EIF3E: variants seen among roughly 807,000 people sequenced by gnomAD.
EIF3E encodes eukaryotic translation initiation factor 3 subunit E.
EIF3E carries 25 observed loss-of-function variants against 59.3 expected under a neutral mutation model. The observed-to-expected ratio is 0.42, with a 90% CI of 0.31 to 0.59. EIF3E has a LOEUF of 0.59. EIF3E is among the 20% of genes least tolerant of loss of function. The pLI, the probability that EIF3E is intolerant of heterozygous loss-of-function variation, is 0.15. For synonymous variants in EIF3E, 176 were observed against 170.2 expected, an observed-to-expected ratio of 1.03 and a Z score of -0.26; for missense variants, 317 against 534.3, an observed-to-expected ratio of 0.59 and a Z score of 4.01.
At chr8:108,211,961 C>T (rs527444690) in intron 10 of EIF3E, among the ~76,000 whole-genome samples, 2 of 152,304 alleles carry the variant, frequency 1.3e-5, no homozygotes, top group South Asian at 4.2e-4. Flanking sequence ...TAATCTAAAC[C>T]TGACATTTCT....
intron 7 of EIF3E, among the ~76,000 whole-genome samples, chr8:108,222,693 G>A (rs1815440304): frequency 6.6e-6 from 1 of 152,030 alleles, no homozygotes; most frequent in African/African-American, 2.4e-5. Flanking sequence ...AACTTCTCCA[G>A]TATTTAGCAT....
chr8:108,244,292 T>C (rs7824426), intron 1 of EIF3E, among the ~76,000 whole-genome samples: 3,213 of 152,306 alleles, frequency 0.021, 131 homozygotes, highest in African/African-American at 0.073. Flanking sequence ...AAACTATTCT[T>C]AGCCCCAAAA....
intron 1 of EIF3E, among the ~76,000 whole-genome samples, chr8:108,245,943 C>A (rs1029095588): frequency 3.9e-5 from 6 of 152,184 alleles, no homozygotes; most frequent in African/African-American, 1.4e-4. Context: ...CCAAGACCCC[C>A]CAGCGGCTGC....
At chr8:108,204,991 C>T (rs115497737) in intron 10 of EIF3E, among the ~76,000 whole-genome samples, 1 of 151,986 alleles carries the variant, frequency 6.6e-6, no homozygotes, top group East Asian at 1.9e-4. Flanking sequence ...TAGGTTAAGT[C>T]AGTTCCGCTG....
At chr8:108,215,827 A>G (rs1453926509) in intron 9 of EIF3E, among the ~76,000 whole-genome samples, 1 of 152,196 alleles carries the variant, frequency 6.6e-6, no homozygotes, top group Non-Finnish European at 1.5e-5. Flanking sequence ...TAAAACTTGT[A>G]AACTAATTAT....
At chr8:108,235,316 G>A (rs1231423687) in intron 4 of EIF3E, among the ~76,000 whole-genome samples, 1 of 152,164 alleles carries the variant, frequency 6.6e-6, no homozygotes. Flanking sequence ...GTTATTTAAA[G>A]AAGTAAACTA....
At chr8:108,232,016 C>T (rs1389989379) in intron 5 of EIF3E, 5 of 151,580 alleles carry the variant, frequency 3.3e-5, no homozygotes, top group Non-Finnish European at 7.4e-5. Flanking sequence ...AATCAACCAC[C>T]AGAAAAGTAT....
chr8:108,235,137 A>C (rs1286505875), intron 4 of EIF3E, 35 bp from the exon 5 acceptor site: 3 of 1,353,912 alleles, frequency 2.2e-6, no homozygotes, highest in Admixed American at 2.6e-5. Flanking sequence ...GTTCTCTTTA[A>C]TTTAGAGTTT....
intron 7 of EIF3E, among the ~76,000 whole-genome samples, chr8:108,223,045 TTAAG>T (rs1815448837): frequency 6.6e-6 from 1 of 152,208 alleles, no homozygotes; most frequent in South Asian, 2.1e-4. Flanking sequence ...TTAAAAATAC[TTAAG>T]TATCTACTAT....
At chr8:108,244,966 CG>C (rs1277489571) in intron 1 of EIF3E, among the ~76,000 whole-genome samples, 3 of 151,864 alleles carry the variant, frequency 2.0e-5, no homozygotes, top group Admixed American at 6.6e-5. Flanking sequence ...AGCCTTCTAC[CG>C]CTCCTCGCCC....
intron 6 of EIF3E, among the ~76,000 whole-genome samples, chr8:108,228,620 G>C (rs1815564773): frequency 6.6e-6 from 1 of 152,018 alleles, no homozygotes; most frequent in Non-Finnish European, 1.5e-5. Flanking sequence ...GTCTACTGAA[G>C]ACGCTCTAAT....
Position 108,214,710 on chromosome 8 carries a change from C to T in EIF3E, c.958G>A (p.Val320Met). 1 of 1,607,720 alleles carries T rather than the reference C, an allele frequency of 6.2e-7. No homozygotes were observed. Among genetic ancestry groups the T allele is most frequent in the Non-Finnish European group, 8.5e-7 (1 of 1,178,718 alleles). The change falls in exon 10 of 13, where the codon GTG becomes ATG. Residue 320 changes from valine (V) to methionine (M), a missense_variant. By Grantham distance (21) the Val-to-Met change is conservative. This residue lies in a region of EIF3E where 242 missense variants were observed against 398.0 expected (regional missense o/e 0.61). Transcript: ENST00000220849. The part of the protein sequence containing the change: ...KKLRECESVL[V>M]NDFFLVACLE... Reference sequence around the variant, plus strand: ...CAAGCCACCAAGAAGAAGTCATTCACAAGCACCTATATGTACAAATACAAC... The same window carrying T: ...CAAGCCACCAAGAAGAAGTCATTCATAAGCACCTATATGTACAAATACAAC...
intron 1 of EIF3E, 166 bp from the exon 2 acceptor site, chr8:108,242,079 AC>A: frequency 7.0e-7 from 1 of 1,435,818 alleles, no homozygotes; most frequent in Non-Finnish European, 9.2e-7. Flanking sequence ...ATGGCAAGCA[AC>A]CAACCTATAG....
chr8:108,234,882 G>A (rs1047571703), intron 5 of EIF3E, 116 bp downstream of exon 5: 24 of 503,108 alleles, frequency 4.8e-5, no homozygotes, highest in Non-Finnish European at 1.6e-5. Flanking sequence ...TTTTGCCAAT[G>A]ACTGTTGAAA....
At position 108,207,860 on chromosome 8, in the gene EIF3E, T is replaced by C. The variant is rs147733904; in HGVS notation, c.1062-4357A>G. Among the ~76,000 whole-genome samples, 8 of 152,288 alleles carry C rather than the reference T, an allele frequency of 5.3e-5. No individual in the cohort carries two copies. The East Asian group carries it at 1.5e-3, about 29-fold the overall frequency. The stretch of plus-strand genomic sequence containing the variant: ...ATTTAATTAAACATGTTCATGCTTC[T>C]AGCACAAAATGAAATACTTTGTTTC... On this transcript the variant is annotated intron_variant, in intron 10 of 12. Coordinates refer to ENST00000220849, the MANE Select transcript of EIF3E (RefSeq NM_001568.3).
At chr8:108,217,789 C>T (rs1815330951) in intron 7 of EIF3E, among the ~76,000 whole-genome samples, 1 of 152,114 alleles carries the variant, frequency 6.6e-6, no homozygotes, top group African/African-American at 2.4e-5. Flanking sequence ...GGCTACTAAG[C>T]GATGACTTTC....
Position 108,201,584 on chromosome 8 carries a change from T to C in EIF3E, c.*301A>G. ...AATGTCAACATCCTGGTTTTGATAC[T>C]GTACCATAGTAAGACAAAGTGAAAA... On this transcript the variant is annotated 3_prime_UTR_variant, in exon 13 of 13. Coordinates refer to ENST00000220849, the MANE Select transcript of EIF3E (RefSeq NM_001568.3). The C allele has an allele frequency of 5.0e-6, 1 of 199,410 alleles. No individual in the cohort carries two copies. Among genetic ancestry groups the C allele is most frequent in the Non-Finnish European group, 1.0e-5 (1 of 98,654 alleles). The allele number at this position is 199,410 out of a possible 1,614,324, so 12.4% of individuals were successfully genotyped here. A position where few individuals can be genotyped will look rare whatever the true frequency, so the allele number is the denominator to read the frequency against.
At chr8:108,228,415 A>G in intron 6 of EIF3E, 24 bp from the exon 7 acceptor site, 1 of 1,439,516 alleles carries the variant, frequency 6.9e-7, no homozygotes, top group Non-Finnish European at 9.1e-7. Context: ...AAATATATAC[A>G]TAAAAAATAT....
chr8:108,223,211 G>A (rs574811432), intron 7 of EIF3E, among the ~76,000 whole-genome samples: 35 of 152,192 alleles, frequency 2.3e-4, no homozygotes, highest in African/African-American at 8.2e-4. Context: ...ATGACTTCAC[G>A]AAGGAAGTAA....
Sources: allele counts gnomAD v4.1 joint callset (sites outside exome capture counted in the v4.1 genomes callset), GRCh38; gene constraint gnomAD v4.1.1; regional missense constraint gnomAD v4.1.1; transcripts MANE v1.5; gene names NCBI Gene and HGNC (gene_info 2026-07-23, HGNC 2026-07-21).